SNTG1: variants seen among roughly 807,000 people sequenced by gnomAD.
The protein encoded by SNTG1 is syntrophin gamma 1.
Under a neutral mutation model 74.7 loss-of-function variants are expected in SNTG1, and 39 were observed. The ratio of observed to expected loss-of-function variants is 0.52; its 90% CI spans 0.40 to 0.68. The LOEUF (loss-of-function observed/expected upper bound fraction) is 0.68, where lower values mean the gene tolerates loss of function less well. Ranked by LOEUF, SNTG1 falls within the 30% of genes least tolerant of loss-of-function variation. SNTG1 has a pLI of 0.00. For missense variants in SNTG1, 685 were observed against 609.5 expected, an observed-to-expected ratio of 1.12 and a Z score of -1.30; for synonymous variants, 254 against 217.1, an observed-to-expected ratio of 1.17 and a Z score of -1.49.
Position 49,914,504 on chromosome 8 carries a change from T to G in SNTG1, c.-103+2273T>G, listed in dbSNP as rs535116666. 8.8e-4 allele frequency among the ~76,000 whole-genome samples: 134 copies of G among 152,270 alleles called. 1 individual carries two copies. Among genetic ancestry groups the G allele is most frequent in the African/African-American group, 3.1e-3 (130 of 41,560 alleles). ...TATAGGACCAGAGGATAATTTAAAA[T>G]GAGCCCTGGAATCCATTCAATTGCC... On this transcript the variant is annotated intron_variant, in intron 1 of 18. Transcript: ENST00000642720.
chr8:50,434,456 AAT>A (rs1457869998), intron 4 of SNTG1, among the ~76,000 whole-genome samples: 18 of 143,992 alleles, frequency 1.3e-4, no homozygotes, highest in Non-Finnish European at 2.6e-4. Flanking sequence ...ATCCTTGAGG[AAT>A]CGCCACACTG....
chr8:49,967,995 T>A (rs1001645162), intron 1 of SNTG1, among the ~76,000 whole-genome samples: 1 of 152,206 alleles, frequency 6.6e-6, no homozygotes, highest in African/African-American at 2.4e-5. Flanking sequence ...TATCCTTCAG[T>A]GTCTTGCAGT....
intron 2 of SNTG1, among the ~76,000 whole-genome samples, chr8:50,208,679 T>C (rs2084363696): frequency 6.6e-6 from 1 of 152,238 alleles, no homozygotes; most frequent in Admixed American, 6.5e-5. Flanking sequence ...CAATTTGTCA[T>C]GTTTTTGCAG....
At chr8:50,572,877 A>C (rs1461037289) in intron 12 of SNTG1, among the ~76,000 whole-genome samples, 1 of 152,126 alleles carries the variant, frequency 6.6e-6, no homozygotes, top group Non-Finnish European at 1.5e-5. Flanking sequence ...GAATGTTTCT[A>C]GCTTTTTGGT....
intron 1 of SNTG1, among the ~76,000 whole-genome samples, chr8:49,985,665 T>C (rs1339145477): frequency 6.6e-6 from 1 of 152,182 alleles, no homozygotes; most frequent in East Asian, 1.9e-4. Context: ...GCATAAACAA[T>C]GGCAATGCAA....
chr8:50,080,644 G>A (rs1822318937), intron 1 of SNTG1, among the ~76,000 whole-genome samples: 1 of 151,942 alleles, frequency 6.6e-6, no homozygotes, highest in Non-Finnish European at 1.5e-5. Flanking sequence ...TTTATGTTAG[G>A]GGTTGGCAAA....
intron 2 of SNTG1, among the ~76,000 whole-genome samples, chr8:50,384,413 T>G (rs2131252151): frequency 6.6e-6 from 1 of 152,306 alleles, no homozygotes; most frequent in Admixed American, 6.5e-5. Context: ...GCAAGAACGC[T>G]GTGTATAGGA....
intron 1 of SNTG1, among the ~76,000 whole-genome samples, chr8:50,063,378 C>G (rs1051471685): frequency 2.0e-5 from 3 of 152,140 alleles, no homozygotes; most frequent in African/African-American, 7.2e-5. Context: ...TATCTTCTAT[C>G]AAAAGACACA....
intron 1 of SNTG1, among the ~76,000 whole-genome samples, chr8:49,999,901 A>T (rs1022985217): frequency 1.3e-5 from 2 of 152,072 alleles, no homozygotes; most frequent in African/African-American, 4.8e-5. Flanking sequence ...AACTTGAATG[A>T]TTTTTTGTCC....
chr8:50,214,786 G>A (rs2084698029), intron 2 of SNTG1, among the ~76,000 whole-genome samples: 1 of 152,056 alleles, frequency 6.6e-6, no homozygotes, highest in East Asian at 1.9e-4. Context: ...AAATAAAAGG[G>A]ACCTGGCAAA....
chr8:50,364,238 G>T (rs1183891132), intron 2 of SNTG1, among the ~76,000 whole-genome samples: 1 of 152,170 alleles, frequency 6.6e-6, no homozygotes, highest in Non-Finnish European at 1.5e-5. Context: ...CTGCTTAGAG[G>T]TTTTCTGAAA....
intron 1 of SNTG1, chr8:50,163,504 G>T (rs1395467146): frequency 7.2e-6 from 1 of 139,534 alleles, no homozygotes; most frequent in African/African-American, 2.8e-5. Context: ...TTTAGACGGA[G>T]TCTTGCTCTG....
rs544660486 is a variant in SNTG1, at chr8:50,480,262, C to T, written c.364-22516C>T. ...TAAAATTAGTGATGGGTATGGTCATCGTCTTTTTCTTTTTTGAGATTTTTT... is the reference window on the plus strand; with the variant it reads ...TAAAATTAGTGATGGGTATGGTCATTGTCTTTTTCTTTTTTGAGATTTTTT... On this transcript the variant is annotated intron_variant, in intron 8 of 18. Transcript: ENST00000642720. 5.9e-3 allele frequency among the ~76,000 whole-genome samples: 904 copies of T among 151,988 alleles called. 7 individuals are homozygous for T. The highest frequency in any genetic ancestry group is 9.8e-3 in the Non-Finnish European group (665 of 67,948).
intron 10 of SNTG1, among the ~76,000 whole-genome samples, chr8:50,532,511 C>T (rs573349915): frequency 6.6e-6 from 1 of 152,312 alleles, no homozygotes; most frequent in African/African-American, 2.4e-5. Context: ...GACCATCTGA[C>T]TAAAAATTCA....
At chr8:50,028,915 G>A (rs1456788178) in intron 1 of SNTG1, among the ~76,000 whole-genome samples, 1 of 152,020 alleles carries the variant, frequency 6.6e-6, no homozygotes, top group Non-Finnish European at 1.5e-5. Flanking sequence ...TTTTCCATCT[G>A]TATATTCTCT....
At chr8:50,584,265 C>T (rs199614863) in intron 12 of SNTG1, among the ~76,000 whole-genome samples, 591 of 48,380 alleles carry the variant, frequency 0.012, 4 homozygotes, top group African/African-American at 0.045. Flanking sequence ...CAGCATGATC[C>T]TTTGGGTATA....
intron 4 of SNTG1, among the ~76,000 whole-genome samples, chr8:50,431,576 C>T (rs895231585): frequency 6.6e-6 from 1 of 152,052 alleles, no homozygotes; most frequent in African/African-American, 2.4e-5. Context: ...GAGTATCATT[C>T]CCAGATCATA....
At chr8:50,048,585 A>T (rs1219462166) in intron 1 of SNTG1, among the ~76,000 whole-genome samples, 3 of 152,200 alleles carry the variant, frequency 2.0e-5, no homozygotes, top group African/African-American at 7.2e-5. Context: ...AAAACATAGA[A>T]AAGGTGTCAG....
At chr8:50,577,766 TTC>T (rs2094585432) in intron 12 of SNTG1, among the ~76,000 whole-genome samples, 2 of 152,222 alleles carry the variant, frequency 1.3e-5, no homozygotes, top group East Asian at 3.8e-4. Flanking sequence ...TGCACTGCTG[TTC>T]TTTTACTTAT....
Sources: allele counts gnomAD v4.1 joint callset (sites outside exome capture counted in the v4.1 genomes callset), GRCh38; gene constraint gnomAD v4.1.1; transcripts MANE v1.5; gene names NCBI Gene and HGNC (gene_info 2026-07-23, HGNC 2026-07-21).